Variants in ELMO1 observed in about 807,000 individuals in gnomAD.
The protein encoded by ELMO1 is engulfment and cell motility protein 1.
A neutral mutation model predicts 98.9 loss-of-function variants in ELMO1; 26 were observed. That is an observed-to-expected ratio of 0.26 (90% CI 0.19 to 0.36). The LOEUF is 0.36. Ranked by LOEUF, ELMO1 falls within the 10% of genes least tolerant of loss-of-function variation. ELMO1 has a pLI of 1.00. For missense variants in ELMO1, 627 were observed against 935.2 expected (o/e 0.67, Z 4.30); for synonymous variants, 346 against 346.0 (o/e 1.00, Z 0.00).
chr7:37,374,889 G>A (rs1236551613), intron 1 of ELMO1, among the ~76,000 whole-genome samples: 1 of 151,722 alleles, frequency 6.6e-6, no homozygotes, highest in South Asian at 2.1e-4. Context: ...GTGAAACTAC[G>A]TCTCTACTAA....
chr7:37,269,415 T>C (rs1199055398), intron 5 of ELMO1: 2 of 150,774 alleles, frequency 1.3e-5, no homozygotes, highest in East Asian at 1.9e-4. Context: ...CAGTCTTTTG[T>C]AGCTGGGCTC....
At chr7:37,277,636 T>C (rs1161665947) in intron 4 of ELMO1, among the ~76,000 whole-genome samples, 1 of 152,072 alleles carries the variant, frequency 6.6e-6, no homozygotes, top group African/African-American at 2.4e-5. Flanking sequence ...ATGGCCGGCA[T>C]ATCTGTCCAC....
intron 14 of ELMO1, among the ~76,000 whole-genome samples, chr7:37,126,913 ATG>A (rs546653613): frequency 6.6e-6 from 1 of 152,084 alleles, no homozygotes; most frequent in Non-Finnish European, 1.5e-5. Context: ...TCTGTTTTCT[ATG>A]TGTATTTTTT....
chr7:37,288,230 T>A (rs1797498343), intron 4 of ELMO1, among the ~76,000 whole-genome samples: 1 of 46,576 alleles, frequency 2.1e-5, no homozygotes, highest in Non-Finnish European at 5.0e-5. Context: ...AAAGTGTCAC[T>A]TTTTTTTTTT....
intron 16 of ELMO1, among the ~76,000 whole-genome samples, chr7:36,954,295 G>A (rs952208413): frequency 1.3e-5 from 2 of 152,184 alleles, no homozygotes; most frequent in South Asian, 2.1e-4. Flanking sequence ...AGAACCAGAA[G>A]TATCAGAATT....
intron 1 of ELMO1, among the ~76,000 whole-genome samples, chr7:37,443,518 CTGATACT>C (rs1805495507): frequency 6.6e-6 from 1 of 152,164 alleles, no homozygotes; most frequent in Non-Finnish European, 1.5e-5. Flanking sequence ...GTATTCCTAT[CTGATACT>C]TAACTGTTCA....
chr7:37,426,617 T>A (rs143860504), intron 1 of ELMO1, among the ~76,000 whole-genome samples: 1 of 152,256 alleles, frequency 6.6e-6, no homozygotes, highest in East Asian at 1.9e-4. Flanking sequence ...CAGCATCTCG[T>A]TTGGATTCCA....
At chr7:37,186,114 A>C (rs1791189035) in intron 13 of ELMO1, among the ~76,000 whole-genome samples, 1 of 152,212 alleles carries the variant, frequency 6.6e-6, no homozygotes, top group African/African-American at 2.4e-5. Context: ...CATAAGAATA[A>C]ACATATAGCA....
At chr7:37,025,477 A>G (rs1290523008) in intron 15 of ELMO1, among the ~76,000 whole-genome samples, 1 of 152,192 alleles carries the variant, frequency 6.6e-6, no homozygotes, top group African/African-American at 2.4e-5. Context: ...TAACATCTGA[A>G]TAAGTGGACT....
chr7:37,165,172 T>C (rs1342413207), intron 13 of ELMO1, among the ~76,000 whole-genome samples: 2 of 152,232 alleles, frequency 1.3e-5, no homozygotes, highest in African/African-American at 4.8e-5. Flanking sequence ...CTTGTGATTT[T>C]TGCACATTGA....
chr7:37,113,992 A>G (rs1412743490), intron 14 of ELMO1, among the ~76,000 whole-genome samples: 1 of 152,218 alleles, frequency 6.6e-6, no homozygotes, highest in Non-Finnish European at 1.5e-5. Context: ...ATATTTTGTT[A>G]TGGCAGCCCT....
At chr7:36,868,346 TTC>T (rs1491162128) in intron 20 of ELMO1, among the ~76,000 whole-genome samples, 50 of 82,916 alleles carry the variant, frequency 6.0e-4, no homozygotes, top group Middle Eastern at 4.9e-3. Flanking sequence ...CTTCTTCTTC[TTC>T]TTTTTTTTTT....
chr7:37,036,347 C>A (rs1795173875), intron 15 of ELMO1, among the ~76,000 whole-genome samples: 1 of 152,076 alleles, frequency 6.6e-6, no homozygotes, highest in African/African-American at 2.4e-5. Context: ...TAATATCATA[C>A]AAATGTCAGG....
rs1802308101 is a variant in ELMO1, at chr7:37,375,659, T to C, written c.-73-32896A>G. On this transcript the variant is annotated intron_variant, in intron 1 of 21. Transcript: ENST00000310758. ...AAGAATGTGCCCAACCTTCAGGTCA[T>C]GAAGGCCATGCAGTCTCTCAAGTCC... The C allele has an allele frequency of 1.8e-5, 22 of 1,234,268 alleles. No individual in the cohort carries two copies. The South Asian group carries it at 2.5e-4, about 14-fold the overall frequency. 76.5% of individuals were successfully genotyped at this position (1,234,268 alleles called of 1,614,324 possible). A position where few individuals can be genotyped will look rare whatever the true frequency, so the allele number is the denominator to read the frequency against.
intron 2 of ELMO1, among the ~76,000 whole-genome samples, chr7:37,317,330 G>A (rs2131112926): frequency 6.6e-6 from 1 of 152,340 alleles, no homozygotes; most frequent in East Asian, 1.9e-4. Flanking sequence ...TACCACGTGT[G>A]CAGAAGAATG....
intron 1 of ELMO1, among the ~76,000 whole-genome samples, chr7:37,396,798 A>G (rs1803319127): frequency 6.6e-6 from 1 of 152,240 alleles, no homozygotes; most frequent in Non-Finnish European, 1.5e-5. Context: ...TCCAAGTGTT[A>G]GATGCATATA....
intron 2 of ELMO1, among the ~76,000 whole-genome samples, chr7:37,331,195 A>G (rs1176114733): frequency 3.3e-5 from 5 of 150,088 alleles, no homozygotes; most frequent in Non-Finnish European, 7.4e-5. Flanking sequence ...TTGGAGACAC[A>G]GTCTCGCTCT....
At chr7:37,251,069 G>A (rs1303603294) in intron 6 of ELMO1, among the ~76,000 whole-genome samples, 1 of 152,168 alleles carries the variant, frequency 6.6e-6, no homozygotes, top group African/African-American at 2.4e-5. Flanking sequence ...TGTGTGCTTA[G>A]AGGCATGGAC....
intron 14 of ELMO1, among the ~76,000 whole-genome samples, chr7:37,132,141 A>T (rs1212742436): frequency 6.6e-6 from 1 of 152,130 alleles, no homozygotes; most frequent in Non-Finnish European, 1.5e-5. Flanking sequence ...GACCAAAGGA[A>T]ATGCCCACAC....
Sources: gnomAD v4.1 joint callset for allele counts (sites outside exome capture counted in the v4.1 genomes callset) on GRCh38, gnomAD v4.1.1 for gene constraint, MANE v1.5 for transcripts, NCBI Gene and HGNC (gene_info 2026-07-23, HGNC 2026-07-21) for gene names.